ALOX5AP: variants seen among roughly 807,000 people sequenced by gnomAD.
ALOX5AP encodes arachidonate 5-lipoxygenase-activating protein.
In ALOX5AP, 9 loss-of-function variants were observed where a neutral mutation model predicts 18.5. The ratio of observed to expected loss-of-function variants is 0.49; its 90% CI spans 0.29 to 0.85. The LOEUF is 0.85. Ranked by LOEUF, ALOX5AP falls within the 40% of genes least tolerant of loss-of-function variation. ALOX5AP has a pLI of 0.08. For synonymous variants in ALOX5AP, 81 were observed against 78.6 expected (o/e 1.03, Z -0.16); for missense variants, 172 against 202.5 (o/e 0.85, Z 0.91).
intron 1 of ALOX5AP, among the ~76,000 whole-genome samples, chr13:30,726,053 C>A (rs1218432773): frequency 6.6e-6 from 1 of 152,180 alleles, no homozygotes; most frequent in Admixed American, 6.5e-5. Context: ...CTCACTATCA[C>A]CCTGGTGTTC....
chr13:30,745,344 A>G (rs960756693), intron 2 of ALOX5AP, among the ~76,000 whole-genome samples: 1 of 152,166 alleles, frequency 6.6e-6, no homozygotes, highest in Non-Finnish European at 1.5e-5. Context: ...GCCACTCTCG[A>G]ACGCATTAGT....
chr13:30,743,943 T>C (rs565665466), intron 1 of ALOX5AP, 117 bp from the exon 2 acceptor site: 1 of 758,658 alleles, frequency 1.3e-6, no homozygotes, highest in African/African-American at 1.7e-5. Flanking sequence ...ATGGAGGACA[T>C]TTAGGGTTGC....
chr13:30,713,802 G>A, exon 1 of ALOX5AP: 2 of 1,535,614 alleles, frequency 1.3e-6, no homozygotes, highest in Non-Finnish European at 1.7e-6. Context: ...AAATCCTTTG[G>A]CACCTTGGGG....
intron 1 of ALOX5AP, chr13:30,713,907 G>C: frequency 1.3e-6 from 2 of 1,506,750 alleles, no homozygotes; most frequent in South Asian, 1.2e-5. Context: ...CTACAAATTT[G>C]ACCTGGGCCC....
chr13:30,735,022 G>A (rs1951709372), upstream of ALOX5AP, among the ~76,000 whole-genome samples: 1 of 151,990 alleles, frequency 6.6e-6, no homozygotes, highest in Non-Finnish European at 1.5e-5. Context: ...GCGTGTGTGT[G>A]TGTGTGTGAG....
chr13:30,759,267 T>C (rs17245652), intron 4 of ALOX5AP, among the ~76,000 whole-genome samples: 11,900 of 152,184 alleles, frequency 0.078, 713 homozygotes, highest in African/African-American at 0.16. Flanking sequence ...TCCTATCCCA[T>C]GGAGTCCTGT....
intron 3 of ALOX5AP, 55 bp from the exon 4 acceptor site, chr13:30,755,889 C>G: frequency 6.4e-7 from 1 of 1,552,802 alleles, no homozygotes; most frequent in Non-Finnish European, 8.9e-7. Flanking sequence ...ATTGGGCTAA[C>G]AGCATGTTTT....
chr13:30,751,935 G>A (rs1021159164), intron 2 of ALOX5AP, 117 bp from the exon 3 acceptor site: 2 of 992,748 alleles, frequency 2.0e-6, no homozygotes, highest in Non-Finnish European at 3.1e-6. Flanking sequence ...AATTACGAAT[G>A]GGATTTATGT....
chr13:30,763,074 G>A (rs190840326), intron 4 of ALOX5AP, among the ~76,000 whole-genome samples: 7 of 152,312 alleles, frequency 4.6e-5, no homozygotes, highest in Admixed American at 3.3e-4. Context: ...TTGGGAGGCC[G>A]AGGTGAGTGG....
upstream of ALOX5AP, among the ~76,000 whole-genome samples, chr13:30,732,884 G>T (rs1016953424): frequency 7.2e-5 from 11 of 152,102 alleles, no homozygotes; most frequent in African/African-American, 1.9e-4. Context: ...GGCCGGGCGC[G>T]GTGGCTCACG....
intron 4 of ALOX5AP, among the ~76,000 whole-genome samples, chr13:30,758,337 T>C (rs140349683): frequency 6.6e-6 from 1 of 152,348 alleles, no homozygotes; most frequent in Admixed American, 6.5e-5. Context: ...ATGTCACACT[T>C]GGACTCTGCA....
At chr13:30,741,362 C>A (rs1204130840) in intron 1 of ALOX5AP, among the ~76,000 whole-genome samples, 2 of 148,886 alleles carry the variant, frequency 1.3e-5, no homozygotes, top group African/African-American at 4.9e-5. Context: ...TAAGTAACCT[C>A]TAGATAATCT....
At chr13:30,743,999 G>A in intron 1 of ALOX5AP, 61 bp from the exon 2 acceptor site, 1 of 1,402,116 alleles carries the variant, frequency 7.1e-7, no homozygotes, top group African/African-American at 1.4e-5. Context: ...GTAAAACAAG[G>A]AAGTAACAGG....
chr13:30,729,375 C>G (rs920814778), intron 1 of ALOX5AP, among the ~76,000 whole-genome samples: 6 of 152,022 alleles, frequency 3.9e-5, no homozygotes, highest in Non-Finnish European at 5.9e-5. Context: ...GTTCTAGCAC[C>G]CTTGTTAAAA....
In ALOX5AP at chr13:30,751,253, AG is replaced by A. The variant is rs1360564235; in HGVS notation, c.171-796del. On this transcript the variant is annotated intron_variant, in intron 2 of 4. Coordinates refer to ENST00000380490, the MANE Select transcript of ALOX5AP (RefSeq NM_001629.4). ...TATTTTTTGTGTTTTTAGTAGAGAC[AG>A]GGTTTCACCATGTTGGCCAGGCTGG... 2.0e-5 allele frequency among the ~76,000 whole-genome samples: 3 copies of A among 152,176 alleles called. No individual in the cohort carries two copies. In the East Asian group the frequency reaches 5.8e-4, roughly 29 times the overall value.
chr13:30,733,641 G>T (rs1951698888), upstream of ALOX5AP, among the ~76,000 whole-genome samples: 1 of 152,204 alleles, frequency 6.6e-6, no homozygotes, highest in Non-Finnish European at 1.5e-5. Context: ...GGTGTGTTAG[G>T]GAGGGTGTTT....
intron 1 of ALOX5AP, among the ~76,000 whole-genome samples, chr13:30,719,709 C>A (rs965521253): frequency 6.6e-6 from 1 of 152,122 alleles, no homozygotes; most frequent in African/African-American, 2.4e-5. Flanking sequence ...AGAAGTGAGA[C>A]GATGGACAAG....
intron 1 of ALOX5AP, among the ~76,000 whole-genome samples, chr13:30,723,775 A>C (rs1306895938): frequency 6.6e-6 from 1 of 152,108 alleles, no homozygotes; most frequent in Admixed American, 6.6e-5. Flanking sequence ...AATTTTTTAA[A>C]TTTTTTTAGA....
chr13:30,726,570 T>A (rs963223238), intron 1 of ALOX5AP, among the ~76,000 whole-genome samples: 3 of 152,192 alleles, frequency 2.0e-5, no homozygotes, highest in African/African-American at 7.2e-5. Context: ...GAATGAGTAG[T>A]GGAAGGTAGT....
Sources: gnomAD v4.1 joint callset for allele counts (sites outside exome capture counted in the v4.1 genomes callset) on GRCh38, gnomAD v4.1.1 for gene constraint, MANE v1.5 for transcripts, NCBI Gene and HGNC (gene_info 2026-07-23, HGNC 2026-07-21) for gene names.